ATPAF2: variants seen among roughly 807,000 people sequenced by gnomAD.
ATPAF2 encodes the protein ATP12 homolog.
In ATPAF2, 30 loss-of-function variants were observed where a neutral mutation model predicts 36.6. The observed-to-expected ratio is 0.82, with a 90% confidence interval of 0.61 to 1.11. ATPAF2 has a LOEUF of 1.11. Among genes scored for constraint, ATPAF2 ranks in the 50% most tolerant of loss-of-function variants. The pLI is 0.00. For synonymous variants in ATPAF2, 140 were observed against 152.6 expected (o/e 0.92, Z 0.61); for missense variants, 321 against 372.3 (o/e 0.86, Z 1.13).
At chr17:18,038,854 A>G (rs372501253) in intron 1 of ATPAF2, 27 bp downstream of exon 1, 23 of 1,612,782 alleles carry the variant, frequency 1.4e-5, no homozygotes, top group South Asian at 1.1e-4. Context: ...CTCGGCCCCA[A>G]CCCAAAAGAA....
At chr17:18,018,914 C>T (rs2044425588) in intron 7 of ATPAF2, among the ~76,000 whole-genome samples, 1 of 152,164 alleles carries the variant, frequency 6.6e-6, no homozygotes, top group Non-Finnish European at 1.5e-5. Flanking sequence ...GGCAGGAAGA[C>T]TGCTTGAATC....
chr17:18,026,579 G>A (rs764446040), intron 3 of ATPAF2, 163 bp from the exon 4 acceptor site: 9 of 677,068 alleles, frequency 1.3e-5, no homozygotes, highest in Non-Finnish European at 2.4e-5. Context: ...TACTGAGAGT[G>A]TGCCACAACC....
At chr17:18,034,274 C>T (rs1368195948) in intron 1 of ATPAF2, among the ~76,000 whole-genome samples, 2 of 151,980 alleles carry the variant, frequency 1.3e-5, no homozygotes, top group East Asian at 3.9e-4. Flanking sequence ...CATGGTGGCA[C>T]ACACCTGTAG....
downstream of ATPAF2, chr17:18,015,701 T>C (rs530882834): frequency 4.2e-5 from 8 of 191,920 alleles, no homozygotes; most frequent in Non-Finnish European, 7.7e-5. Flanking sequence ...GCAGAGGTTT[T>C]GGGCAAGTTA....
intron 7 of ATPAF2, 106 bp from the exon 8 acceptor site, chr17:18,018,792 G>C: frequency 1.3e-6 from 2 of 1,544,338 alleles, no homozygotes; most frequent in Non-Finnish European, 1.8e-6. Flanking sequence ...CAACAGGTTT[G>C]TATCTTGCCA....
chr17:18,030,078 T>C (rs1336240705), intron 1 of ATPAF2, among the ~76,000 whole-genome samples: 4 of 150,164 alleles, frequency 2.7e-5, no homozygotes, highest in African/African-American at 4.9e-5. Context: ...CCCAGCACTT[T>C]GGGAGGCGGA....
At chr17:18,015,335 C>T (rs1252832146), downstream of ATPAF2, 1 of 152,220 alleles carries the variant, frequency 6.6e-6, no homozygotes, top group African/African-American at 2.4e-5. Flanking sequence ...TCTGCCTTAC[C>T]AAGCGCCTCT....
At chr17:18,035,064 AC>A (rs2044685764) in intron 1 of ATPAF2, among the ~76,000 whole-genome samples, 1 of 151,838 alleles carries the variant, frequency 6.6e-6, no homozygotes, top group Admixed American at 6.6e-5. Context: ...CCCCATCTCT[AC>A]AAAGCACTAA....
At chr17:18,016,668 C>A, downstream of ATPAF2, 1 of 1,602,740 alleles carries the variant, frequency 6.2e-7, no homozygotes, top group Non-Finnish European at 8.5e-7. Flanking sequence ...ACATCCTAGA[C>A]TAGATGAATG....
chr17:18,033,040 G>C (rs1597677536), intron 1 of ATPAF2, among the ~76,000 whole-genome samples: 1 of 151,890 alleles, frequency 6.6e-6, no homozygotes, highest in Non-Finnish European at 1.5e-5. Flanking sequence ...AGACAGCAAA[G>C]GGAGCCAAGT....
At position 18,028,307 on chromosome 17, in the gene ATPAF2, G is replaced by T. The variant is rs747257537; in HGVS notation, c.249C>A (p.Ser83Arg). Residue 83 changes from serine to arginine, a missense_variant, in exon 3 of 8, where the codon AGC becomes AGA. This residue lies in a region of ATPAF2 where 53 missense variants were observed against 91.6 expected (regional missense o/e 0.58). Coordinates refer to ENST00000474627, the MANE Select transcript of ATPAF2 (RefSeq NM_145691.4). Reference sequence around the variant, plus strand: ...TAGCCACTGCAATGGCCAGGGCCTCGCTGGGGACGGTAAAGAGCTTGGCTT... The same window carrying T: ...TAGCCACTGCAATGGCCAGGGCCTCTCTGGGGACGGTAAAGAGCTTGGCTT... ...TPQAKLFTVP[S>R]EALAIAVATE... 6.2e-7 allele frequency: 1 copy of T among 1,614,014 alleles called. No homozygotes were observed. Among genetic ancestry groups the T allele is most frequent in the African/African-American group, 1.3e-5 (1 of 74,890 alleles).
intron 4 of ATPAF2, 46 bp from the exon 5 acceptor site, chr17:18,024,750 C>A: frequency 6.5e-7 from 1 of 1,529,116 alleles, no homozygotes; most frequent in Non-Finnish European, 9.1e-7. Context: ...AAGTACAATT[C>A]CTTCATTCAG....
chr17:18,016,566 GGAT>G (rs2044371613), downstream of ATPAF2: 1 of 1,611,720 alleles, frequency 6.2e-7, no homozygotes, highest in Non-Finnish European at 8.5e-7. Flanking sequence ...AGATTCACAA[GGAT>G]GAGATCATGA....
At chr17:18,033,640 AC>A (rs2044667828) in intron 1 of ATPAF2, among the ~76,000 whole-genome samples, 1 of 152,014 alleles carries the variant, frequency 6.6e-6, no homozygotes, top group Non-Finnish European at 1.5e-5. Flanking sequence ...AAGAGGAAGT[AC>A]TGGTTTCAGA....
chr17:18,027,936 G>A (rs2044571439), intron 3 of ATPAF2: 1 of 444,088 alleles, frequency 2.3e-6, no homozygotes, highest in Non-Finnish European at 4.2e-6. Flanking sequence ...AAAACAAATG[G>A]CCAGCTGCTG....
chr17:18,038,982 C>T lies in ATPAF2; in HGVS notation c.32G>A (p.Gly11Glu). ...CGGCCGATTCAGGAGACGGCGTCCCCCGTCCCGCAGCCGGAGGCAGCTCCT... is the reference window on the plus strand; with the variant it reads ...CGGCCGATTCAGGAGACGGCGTCCCTCGTCCCGCAGCCGGAGGCAGCTCCT... MWRSCLRLRD[G>E]GRRLLNRPAG... The change falls in exon 1 of 8, where the codon GGG becomes GAG. Residue 11 changes from glycine (G) to glutamate (E), a missense_variant. Around this residue, in one of 3 missense-constraint regions of ATPAF2, gnomAD observed 69 missense variants for 60.1 expected, o/e 1.15. Transcript: ENST00000474627. The T allele has an allele frequency of 1.2e-6, 2 of 1,611,866 alleles. No individual in the cohort carries two copies. The highest frequency in any genetic ancestry group is 1.7e-4 in the Middle Eastern group (1 of 6,054).
At chr17:18,019,564 T>C (rs528732805) in intron 7 of ATPAF2, among the ~76,000 whole-genome samples, 4 of 152,368 alleles carry the variant, frequency 2.6e-5, no homozygotes, top group South Asian at 4.1e-4. Flanking sequence ...TGGGGACAAG[T>C]TGCAGATTCT....
chr17:18,015,112 C>T (rs1470138078), downstream of ATPAF2: 1 of 152,226 alleles, frequency 6.6e-6, no homozygotes, highest in African/African-American at 2.4e-5. Flanking sequence ...CTTCAGAATA[C>T]TTTGTGCCCA....
At chr17:18,023,115 C>T (rs959515327) in intron 5 of ATPAF2, among the ~76,000 whole-genome samples, 15 of 130,844 alleles carry the variant, frequency 1.1e-4, no homozygotes, top group African/African-American at 4.1e-4. Flanking sequence ...GGTGACAGAG[C>T]GAGACTCCTT....
Sources: gnomAD v4.1 joint callset for allele counts (sites outside exome capture counted in the v4.1 genomes callset) on GRCh38, gnomAD v4.1.1 for gene constraint, gnomAD v4.1.1 regional missense constraint, MANE v1.5 for transcripts, NCBI Gene and HGNC (gene_info 2026-07-23, HGNC 2026-07-21) for gene names.